The following DNAH6 variants were observed in gnomAD, a reference collection of about 807,000 sequenced individuals.
DNAH6 encodes dynein axonemal heavy chain 6.
DNAH6 carries 340 observed loss-of-function variants against 491.4 expected under a neutral mutation model. The observed-to-expected ratio is 0.69, with a 90% CI of 0.63 to 0.76. The LOEUF is 0.76. Ranked by LOEUF, DNAH6 falls within the 30% of genes least tolerant of loss-of-function variation. The pLI is 0.00. For missense variants in DNAH6, 4,443 were observed against 4,972.2 expected (o/e 0.89, Z 3.20); for synonymous variants, 1,603 against 1,686.1 (o/e 0.95, Z 1.21).
chr2:84,576,456 A>T (rs1682456416), intron 12 of DNAH6, among the ~76,000 whole-genome samples: 1 of 152,108 alleles, frequency 6.6e-6, no homozygotes, highest in African/African-American at 2.4e-5. Context: ...GTGGAGGAAG[A>T]TTATGGAAGG....
At chr2:84,486,850 A>G in the DNAH6 span, among the ~76,000 whole-genome samples, 8 of 152,352 alleles carry the variant, frequency 5.3e-5, no homozygotes, top group African/African-American at 1.9e-4. Flanking sequence ...CCCTGGACTC[A>G]GTGGCTTAGG....
At chr2:84,745,652 C>T (rs577025512) in intron 63 of DNAH6, among the ~76,000 whole-genome samples, 6 of 135,732 alleles carry the variant, frequency 4.4e-5, no homozygotes, top group African/African-American at 8.6e-5. Flanking sequence ...GGCAACAGAG[C>T]GAGACACTGT....
upstream of DNAH6, among the ~76,000 whole-genome samples, chr2:84,513,653 G>A (rs935702597): frequency 6.6e-6 from 1 of 151,282 alleles, no homozygotes; most frequent in Admixed American, 6.6e-5. Flanking sequence ...TTGTTTTCTT[G>A]TATGCTTGGG....
chr2:84,527,343 T>G (rs1219907645), intron 3 of DNAH6, among the ~76,000 whole-genome samples: 1 of 152,108 alleles, frequency 6.6e-6, no homozygotes, highest in Non-Finnish European at 1.5e-5. Context: ...AACACAGTGA[T>G]TAACCTCCTC....
At chr2:84,529,760 G>A (rs1676977371) in intron 4 of DNAH6, among the ~76,000 whole-genome samples, 1 of 152,116 alleles carries the variant, frequency 6.6e-6, no homozygotes, top group African/African-American at 2.4e-5. Flanking sequence ...TTATTTAGTT[G>A]GGCTGACAGC....
intron 20 of DNAH6, among the ~76,000 whole-genome samples, chr2:84,606,545 T>C (rs1685790076): frequency 6.6e-6 from 1 of 152,154 alleles, no homozygotes; most frequent in African/African-American, 2.4e-5. Context: ...TTCAATTCTC[T>C]CTTCCTTGAG....
At chr2:84,716,662 T>A (rs1486346262) in intron 58 of DNAH6, among the ~76,000 whole-genome samples, 1 of 152,246 alleles carries the variant, frequency 6.6e-6, no homozygotes, top group Non-Finnish European at 1.5e-5. Context: ...CTGAACACTT[T>A]GCATACCAGT....
chr2:84,718,454 G>T, intron 59 of DNAH6, 70 bp downstream of exon 59: 5 of 1,290,312 alleles, frequency 3.9e-6, no homozygotes, highest in Non-Finnish European at 5.1e-6. Context: ...GCCTTTGAGG[G>T]TCCTGCAAGG....
At chr2:84,814,662 A>C (rs974462302) in intron 75 of DNAH6, among the ~76,000 whole-genome samples, 1 of 152,080 alleles carries the variant, frequency 6.6e-6, no homozygotes, top group Non-Finnish European at 1.5e-5. Context: ...TGCTCAGCAC[A>C]CTCCATCTGC....
chr2:84,467,222 CAATCCTTT>C, the DNAH6 span, among the ~76,000 whole-genome samples: 1 of 152,156 alleles, frequency 6.6e-6, no homozygotes, highest in Non-Finnish European at 1.5e-5. Context: ...TAACTTAAAA[CAATCCTTT>C]AATCCTTTAA....
At chr2:84,778,089 G>A (rs1225913153) in intron 64 of DNAH6, 2 of 835,164 alleles carry the variant, frequency 2.4e-6, no homozygotes, top group East Asian at 4.8e-5. Flanking sequence ...TTATCTTCCA[G>A]TTAAACTGCC....
At chr2:84,561,671 C>T (rs911210428) in intron 11 of DNAH6, among the ~76,000 whole-genome samples, 1 of 152,040 alleles carries the variant, frequency 6.6e-6, no homozygotes, top group Non-Finnish European at 1.5e-5. Flanking sequence ...CCAGAATCTA[C>T]AATGAACTCA....
chr2:84,801,401 A>G (rs1382833507), intron 70 of DNAH6, among the ~76,000 whole-genome samples: 2 of 152,182 alleles, frequency 1.3e-5, no homozygotes, highest in African/African-American at 4.8e-5. Flanking sequence ...AAGATACTGT[A>G]TGAGCTGACC....
intron 26 of DNAH6, among the ~76,000 whole-genome samples, chr2:84,622,411 A>G (rs1226963696): frequency 6.6e-6 from 1 of 151,848 alleles, no homozygotes; most frequent in Non-Finnish European, 1.5e-5. Context: ...CACACAGCTA[A>G]TTATTTTTAT....
chr2:84,511,445 G>T, the DNAH6 span, among the ~76,000 whole-genome samples: 1 of 146,850 alleles, frequency 6.8e-6, no homozygotes, highest in Non-Finnish European at 1.5e-5. Flanking sequence ...GGGTGGGAGT[G>T]ACCCAATTTT....
At chr2:84,672,544 G>A in intron 40 of DNAH6, 60 bp downstream of exon 40, 11 of 1,458,072 alleles carry the variant, frequency 7.5e-6, no homozygotes, top group Admixed American at 6.5e-5. Context: ...GAAATATGAT[G>A]TATAGTTTGT....
At chr2:84,813,192 T>G (rs1009776595) in intron 74 of DNAH6, 62 bp downstream of exon 74, 2 of 1,238,704 alleles carry the variant, frequency 1.6e-6, no homozygotes, top group African/African-American at 3.0e-5. Flanking sequence ...CACAGGGTTT[T>G]GAGGTGCTGG....
chr2:84,703,909 A>G (rs1216753417), intron 50 of DNAH6, among the ~76,000 whole-genome samples, 158 bp from the exon 51 acceptor site: 1 of 152,242 alleles, frequency 6.6e-6, no homozygotes, highest in Non-Finnish European at 1.5e-5. Context: ...TTGGCATGGC[A>G]TAGATGGACA....
chr2:84,467,480 A>G, the DNAH6 span, among the ~76,000 whole-genome samples: 2 of 152,210 alleles, frequency 1.3e-5, no homozygotes, highest in Non-Finnish European at 2.9e-5. Context: ...AAGTGCAGAT[A>G]AGAGCTGACT....
Sources: gnomAD v4.1 joint callset for allele counts (sites outside exome capture counted in the v4.1 genomes callset) on GRCh38, gnomAD v4.1.1 for gene constraint, MANE v1.5 for transcripts, NCBI Gene and HGNC (gene_info 2026-07-23, HGNC 2026-07-21) for gene names.